DPYSL5: variants seen among roughly 807,000 people sequenced by gnomAD.
DPYSL5 encodes the protein dihydropyrimidinase-related protein 5.
Under a neutral mutation model 58.4 loss-of-function variants are expected in DPYSL5, and 9 were observed. That is an observed-to-expected ratio of 0.15 (90% confidence interval 0.09 to 0.27). The LOEUF is 0.27. DPYSL5 is among the 10% of genes least tolerant of loss of function. The probability of loss-of-function intolerance (pLI) is 1.00; values close to 1 mark genes in which losing one functional copy is unlikely to be tolerated. For synonymous variants in DPYSL5, 293 were observed against 301.9 expected (o/e 0.97, Z 0.31); for missense variants, 499 against 770.6 (o/e 0.65, Z 4.17).
rs182283843 is a variant in DPYSL5 at position 26,857,895 on chromosome 2, G to A, written c.-5+9641G>A. Among the ~76,000 whole-genome samples the A allele has an allele frequency of 9.2e-5, 14 of 152,344 alleles. No homozygotes were observed. The East Asian group carries it at 2.7e-3, about 29-fold the overall frequency. Reference sequence around the variant, plus strand: ...CTGTCGCATCTCATGTTCATGGCCAGTATCGTCATGTGGCCCAGGAGAGAT... The same window carrying A: ...CTGTCGCATCTCATGTTCATGGCCAATATCGTCATGTGGCCCAGGAGAGAT... On this transcript the variant is annotated intron_variant, in intron 1 of 12. Coordinates refer to ENST00000288699, the MANE Select transcript of DPYSL5 (RefSeq NM_020134.4).
At chr2:26,887,872 A>G (rs765840627) in intron 1 of DPYSL5, among the ~76,000 whole-genome samples, 1 of 152,228 alleles carries the variant, frequency 6.6e-6, no homozygotes. Context: ...GTTCAGGAAC[A>G]TAATGCCACA....
Position 26,908,294 on chromosome 2 carries a change from A to T in DPYSL5, c.261+9534A>T, listed in dbSNP as rs146285794. Among the ~76,000 whole-genome samples the T allele has an allele frequency of 2.5e-3, 383 of 152,342 alleles. 1 individual carries two copies. The highest frequency in any genetic ancestry group is 9.0e-3 in the African/African-American group (373 of 41,582). The stretch of plus-strand genomic sequence containing the variant: ...GTTCGAATTTCTGTGTGTGTTTTAG[A>T]TTTCAAACAGAGTCTGATAGTAATA... On this transcript the variant is annotated intron_variant, in intron 2 of 12. Coordinates refer to ENST00000288699, the MANE Select transcript of DPYSL5 (RefSeq NM_020134.4).
chr2:26,920,631 G>A (rs375650155), intron 2 of DPYSL5, among the ~76,000 whole-genome samples: 23 of 152,200 alleles, frequency 1.5e-4, no homozygotes, highest in East Asian at 1.2e-3. Context: ...CGGGCATTAT[G>A]GCAGGTGCCT....
chr2:26,941,880 C>A, intron 9 of DPYSL5, 70 bp from the exon 10 acceptor site: 1 of 1,602,546 alleles, frequency 6.2e-7, no homozygotes, highest in Non-Finnish European at 8.5e-7. Context: ...GGGCCAGCAT[C>A]AAAGGTGACC....
chr2:26,912,894 C>T (rs1021543721), intron 2 of DPYSL5, among the ~76,000 whole-genome samples: 1 of 152,194 alleles, frequency 6.6e-6, no homozygotes, highest in Non-Finnish European at 1.5e-5. Flanking sequence ...GGGTTTTTCT[C>T]CATTCTTTGA....
At position 26,907,896 on chromosome 2, in the gene DPYSL5, G is replaced by A. The variant is rs150828338; in HGVS notation, c.261+9136G>A. ...TAACTTGTGACTAGCCACAGAGCCC[G>A]CGTAGCCCTAACGGTGTAGTCGACA... On this transcript the variant is annotated intron_variant, in intron 2 of 12. Coordinates refer to ENST00000288699, the MANE Select transcript of DPYSL5 (RefSeq NM_020134.4). Among the ~76,000 whole-genome samples, 501 of 152,264 alleles carry A rather than the reference G, an allele frequency of 3.3e-3. 2 individuals are homozygous for A. Among genetic ancestry groups the A allele is most frequent in the Non-Finnish European group, 5.5e-3 (376 of 68,024 alleles).
rs1665427843 is a variant in DPYSL5 at position 26,944,882 on chromosome 2, G to A, written c.1609+58G>A. The A allele has an allele frequency of 1.9e-6, 3 of 1,551,146 alleles. No homozygotes were observed. The South Asian group carries it at 3.4e-5, about 18-fold the overall frequency. On this transcript the variant is annotated intron_variant, in intron 12 of 12. Coordinates refer to ENST00000288699, the MANE Select transcript of DPYSL5 (RefSeq NM_020134.4). The surrounding 1 kb of genome is among the most constrained non-coding windows in gnomAD (Gnocchi z 4.4). ...GGGTCTGGGAGAAGTGGCCCACCTA[G>A]GCAGTGGGACTTACGCCTGCTTTTC... is the stretch of plus-strand genomic sequence containing the variant.
At position 26,924,221 on chromosome 2, in the gene DPYSL5, A is replaced by G. The variant is rs1031010637; in HGVS notation, c.262-666A>G. ...TGAATAGGATCCGTTTTCACTGATA[A>G]ATCACACATGCATCTAAAAAATGCC... On this transcript the variant is annotated intron_variant, in intron 2 of 12. Transcript: ENST00000288699. The surrounding 1 kb of genome is among the most constrained non-coding windows in gnomAD (Gnocchi z 4.7). Among the ~76,000 whole-genome samples the G allele has an allele frequency of 4.6e-5, 7 of 152,276 alleles. No individual in the cohort carries two copies. The highest frequency in any genetic ancestry group is 2.6e-4 in the Admixed American group (4 of 15,306).
chr2:26,909,845 T>C (rs1664388371), intron 2 of DPYSL5, among the ~76,000 whole-genome samples: 2 of 152,076 alleles, frequency 1.3e-5, no homozygotes, highest in Non-Finnish European at 1.5e-5. Context: ...GAGAACATGA[T>C]TAGGTAACCT....
At chr2:26,893,065 C>T (rs964764853) in intron 1 of DPYSL5, among the ~76,000 whole-genome samples, 1 of 152,176 alleles carries the variant, frequency 6.6e-6, no homozygotes, top group Non-Finnish European at 1.5e-5. Context: ...AGGGCCTCTT[C>T]TCCCCAGAGG....
intron 2 of DPYSL5, among the ~76,000 whole-genome samples, chr2:26,923,423 A>G (rs1174376923): frequency 1.3e-5 from 2 of 152,236 alleles, no homozygotes; most frequent in Admixed American, 1.3e-4. Context: ...TGTTTTACTT[A>G]ACCTTCACAA....
rs1665349839 is a variant in DPYSL5, at chr2:26,942,511, C to T, written c.1233-32C>T. On this transcript the variant is annotated intron_variant, in intron 10 of 12. Coordinates refer to ENST00000288699, the MANE Select transcript of DPYSL5 (RefSeq NM_020134.4). This position sits in a 1 kb window ranked among gnomAD's most constrained non-coding sequence, Gnocchi z 5.9. ...CTGTGACATTTTGACCTGTCCTCAG[C>T]GCTTTCTCTCCCGCCATTGCCTCCC... 3 of 1,599,158 alleles carry T rather than the reference C, an allele frequency of 1.9e-6. No homozygotes were observed. The highest frequency in any genetic ancestry group is 1.3e-5 in the African/African-American group (1 of 74,766).
intron 1 of DPYSL5, among the ~76,000 whole-genome samples, chr2:26,867,680 C>A (rs1410856144): frequency 6.6e-6 from 1 of 151,996 alleles, no homozygotes; most frequent in Non-Finnish European, 1.5e-5. Context: ...TGGTCTCGAT[C>A]TCCTGACCTC....
Position 26,933,355 on chromosome 2 carries a change from G to C in DPYSL5, c.790+22G>C. 1 of 1,611,034 alleles carries C rather than the reference G, an allele frequency of 6.2e-7. No individual in the cohort carries two copies. The highest frequency in any genetic ancestry group is 1.1e-5 in the South Asian group (1 of 90,996). On this transcript the variant is annotated intron_variant, in intron 7 of 12. Coordinates refer to ENST00000288699, the MANE Select transcript of DPYSL5 (RefSeq NM_020134.4). This position sits in a 1 kb window ranked among gnomAD's most constrained non-coding sequence, Gnocchi z 4.2. ...CAAGGTGAGTCCATAGACTTGGCTG[G>C]ACAGAGCAGGTCAAGTGGAGGGACT... is the stretch of plus-strand genomic sequence containing the variant.
At chr2:26,928,704 T>TATATACACACACACACACACACACACAC in intron 5 of DPYSL5, among the ~76,000 whole-genome samples, 2 of 62,920 alleles carry the variant, frequency 3.2e-5, no homozygotes, top group Non-Finnish European at 6.6e-5. Context: ...TATATATATA[T>TATATACACACACACACACACACACACAC]ACACACACAC....
At chr2:26,891,141 C>T (rs918426675) in intron 1 of DPYSL5, among the ~76,000 whole-genome samples, 3 of 152,128 alleles carry the variant, frequency 2.0e-5, no homozygotes, top group African/African-American at 7.2e-5. Context: ...CTTTTCTAAG[C>T]TTCAGGTTCT....
chr2:26,890,935 T>G (rs1423643726), intron 1 of DPYSL5, among the ~76,000 whole-genome samples: 1 of 152,192 alleles, frequency 6.6e-6, no homozygotes, highest in African/African-American at 2.4e-5. Context: ...GGCCCTGCCC[T>G]ATGACCTCAT....
rs949776483 is a variant in DPYSL5 at position 26,948,130 on chromosome 2, C to G, written c.*1135C>G. The G allele has an allele frequency of 6.5e-6, 1 of 153,648 alleles. No homozygotes were observed. Among genetic ancestry groups the G allele is most frequent in the Non-Finnish European group, 1.4e-5 (1 of 69,552 alleles). 9.5% of individuals were successfully genotyped at this position (153,648 alleles called of 1,614,324 possible). ...ACACACGCACGGCTTCCTATAACTT[C>G]TTCCTGCTGGACAGAGACTCAGCGC... On this transcript the variant is annotated 3_prime_UTR_variant, in exon 13 of 13. Transcript: ENST00000288699.
intron 1 of DPYSL5, among the ~76,000 whole-genome samples, chr2:26,854,790 T>G (rs1356666752): frequency 6.6e-6 from 1 of 152,038 alleles, no homozygotes; most frequent in Non-Finnish European, 1.5e-5. Flanking sequence ...GGCTCCCCAT[T>G]TAAATTTTTT....
Sources: gnomAD v4.1 joint callset for allele counts (sites outside exome capture counted in the v4.1 genomes callset) on GRCh38, gnomAD v4.1.1 for gene constraint, Gnocchi (gnomAD v3.1) non-coding constraint, MANE v1.5 for transcripts, NCBI Gene and HGNC (gene_info 2026-07-23, HGNC 2026-07-21) for gene names.